The following KAT7 variants were observed in gnomAD, a reference collection of about 807,000 sequenced individuals.
KAT7 encodes the protein histone acetyltransferase KAT7.
A neutral mutation model predicts 82.1 loss-of-function variants in KAT7; 10 were observed. The ratio of observed to expected loss-of-function variants is 0.12; its 90% CI spans 0.08 to 0.21. The LOEUF is 0.21. Among genes scored for constraint, KAT7 ranks in the 10% least tolerant of loss-of-function variants. The pLI, the probability that KAT7 is intolerant of heterozygous loss-of-function variation, is 1.00. For synonymous variants in KAT7, 250 were observed against 262.5 expected (o/e 0.95, Z 0.46); for missense variants, 378 against 760.9 (o/e 0.50, Z 5.92).
At position 49,809,145 on chromosome 17, in the gene KAT7, G is replaced by C; in HGVS notation, c.690G>C (p.Gln230His). Residue 230 changes from glutamine to histidine, a missense_variant, in exon 6 of 15, where the codon CAG (glutamine) becomes CAC (histidine). Gln to His is a conservative substitution (Grantham distance 24). Around this residue, in one of 6 missense-constraint regions of KAT7, gnomAD observed 102 missense variants for 129.8 expected, o/e 0.79. Coordinates refer to ENST00000259021, the MANE Select transcript of KAT7 (RefSeq NM_007067.5). ...CKVRAQSRDK[Q>H]IEERMLSHRQ... ...TGAGAGCACAGAGCCGGGATAAGCAGATAGAAGAAAGGATGCTGTCTCACA... is the reference window on the plus strand; with the variant it reads ...TGAGAGCACAGAGCCGGGATAAGCACATAGAAGAAAGGATGCTGTCTCACA... 1 of 1,614,184 alleles carries C rather than the reference G, an allele frequency of 6.2e-7. No individual in the cohort carries two copies. The highest frequency in any genetic ancestry group is 8.5e-7 in the Non-Finnish European group (1 of 1,180,006).
chr17:49,819,258 A>G (rs1330446884), intron 9 of KAT7, among the ~76,000 whole-genome samples: 1 of 152,164 alleles, frequency 6.6e-6, no homozygotes, highest in African/African-American at 2.4e-5. Context: ...TTCAGGGCCC[A>G]GAACTGTTGC....
rs537462505 is a variant in KAT7, at chr17:49,830,592, C to G, written c.*3090C>G. ...CCTGAAACCTGCTCAATGGAAGTACCTACTCTATTGGTTGCTTCCCATATG... is the reference window on the plus strand; with the variant it reads ...CCTGAAACCTGCTCAATGGAAGTACGTACTCTATTGGTTGCTTCCCATATG... On this transcript the variant is annotated 3_prime_UTR_variant, in exon 15 of 15. Transcript: ENST00000259021. The G allele has an allele frequency of 6.6e-6, 1 of 152,334 alleles. No individual in the cohort carries two copies. Among genetic ancestry groups the G allele is most frequent in the African/African-American group, 2.4e-5 (1 of 41,566 alleles). The allele number at this position is 152,334 out of a possible 1,614,324, so 9.4% of individuals were successfully genotyped here.
At chr17:49,825,936 A>G in intron 12 of KAT7, 64 bp from the exon 13 acceptor site, 3 of 1,521,824 alleles carry the variant, frequency 2.0e-6, no homozygotes, top group Non-Finnish European at 2.7e-6. Flanking sequence ...GTTGGCACAC[A>G]GTTTTTTGCT....
At chr17:49,814,998 T>C (rs2074216276) in intron 7 of KAT7, 2 of 152,230 alleles carry the variant, frequency 1.3e-5, no homozygotes, top group Non-Finnish European at 2.9e-5. Context: ...TGGGAAGGGC[T>C]GAAATCAAAG....
chr17:49,801,248 G>A (rs2074020800), intron 4 of KAT7, among the ~76,000 whole-genome samples: 1 of 152,110 alleles, frequency 6.6e-6, no homozygotes, highest in South Asian at 2.1e-4. Context: ...GTACAGTGGC[G>A]TGGTCACTCA....
chr17:49,794,291 T>C (rs1037938044), intron 2 of KAT7, among the ~76,000 whole-genome samples: 7 of 152,102 alleles, frequency 4.6e-5, no homozygotes, highest in Non-Finnish European at 8.8e-5. Context: ...ATGAAGTCTT[T>C]TTTGTTGTTG....
rs2074402247 is a variant in KAT7 at position 49,829,167 on chromosome 17, C to G, written c.*1665C>G. On this transcript the variant is annotated 3_prime_UTR_variant, in exon 15 of 15. Transcript: ENST00000259021. The stretch of plus-strand genomic sequence containing the variant: ...CACGATCTGCTACTAATAGTAAATG[C>G]ACTTGGGATTTGCTTTCCCTAGCAG... 1 of 152,264 alleles carries G rather than the reference C, an allele frequency of 6.6e-6. No individual in the cohort carries two copies. Among genetic ancestry groups the G allele is most frequent in the South Asian group, 2.1e-4 (1 of 4,828 alleles). 9.4% of individuals were successfully genotyped at this position (152,264 alleles called of 1,614,324 possible). A position where few individuals can be genotyped will look rare whatever the true frequency, so the allele number is the denominator to read the frequency against.
At chr17:49,816,053 T>C in intron 8 of KAT7, 140 bp downstream of exon 8, 3 of 591,254 alleles carry the variant, frequency 5.1e-6, no homozygotes, top group Admixed American at 2.9e-5. Flanking sequence ...CAGCTGTCCC[T>C]TTTTGGAGAC....
At chr17:49,815,769 G>A in intron 7 of KAT7, 34 bp from the exon 8 acceptor site, 4 of 1,218,720 alleles carry the variant, frequency 3.3e-6, no homozygotes, top group South Asian at 2.4e-5. Context: ...GAAGCAGAGA[G>A]TATCAGAGTA....
In KAT7 at chr17:49,788,846, G is replaced by A. The variant is rs1463542225; in HGVS notation, c.12G>A (p.Arg4=). 4 of 1,589,944 alleles carry A rather than the reference G, an allele frequency of 2.5e-6. No homozygotes were observed. The highest frequency in any genetic ancestry group is 2.6e-6 in the Non-Finnish European group (3 of 1,166,648). Residue 4 remains arginine (R), a synonymous_variant, in exon 1 of 15, where the codon AGG becomes AGA. Transcript: ENST00000259021. ...CGCAGCCGCCGGCAATGCCGCGAAG[G>A]AAGGTGAGAAACGGGAGAGGAGGGA... MPR[R]KRNAGSSSDG...
intron 4 of KAT7, 146 bp from the exon 5 acceptor site, chr17:49,805,217 A>G: frequency 1.7e-6 from 1 of 600,724 alleles, no homozygotes; most frequent in Non-Finnish European, 3.0e-6. Context: ...TTATAGCCCT[A>G]CCAGCCTTAT....
intron 5 of KAT7, among the ~76,000 whole-genome samples, chr17:49,808,211 T>C: frequency 6.9e-6 from 1 of 145,004 alleles, no homozygotes; most frequent in East Asian, 2.1e-4. Context: ...AGTCTCAGCC[T>C]CCTAGATTCA....
chr17:49,807,676 A>C (rs2074108451), intron 5 of KAT7, among the ~76,000 whole-genome samples: 1 of 152,164 alleles, frequency 6.6e-6, no homozygotes. Flanking sequence ...TGCAGGGTAT[A>C]GGGTGCTTGG....
intron 5 of KAT7, among the ~76,000 whole-genome samples, chr17:49,808,633 A>G (rs1440160313): frequency 1.4e-5 from 2 of 141,028 alleles, no homozygotes; most frequent in Non-Finnish European, 3.1e-5. Context: ...TGTATTTTTA[A>G]TAGAGACGGG....
chr17:49,811,083 AT>A lies in KAT7; in HGVS notation c.754-386del, dbSNP rs575692865. 2.6e-5 allele frequency among the ~76,000 whole-genome samples: 4 copies of A among 151,226 alleles called. No homozygotes were observed. The South Asian group carries it at 6.3e-4, about 24-fold the overall frequency. Reference sequence around the variant, plus strand: ...TTTCTGGCATTTTTTTCTCTTTAAAATTTTTTTACATGTTTTGGTACCTTCT... The same window carrying A: ...TTTCTGGCATTTTTTTCTCTTTAAAATTTTTTACATGTTTTGGTACCTTCT... On this transcript the variant is annotated intron_variant, in intron 6 of 14. Coordinates refer to ENST00000259021, the MANE Select transcript of KAT7 (RefSeq NM_007067.5).
intron 4 of KAT7, among the ~76,000 whole-genome samples, chr17:49,798,771 G>T (rs753128271): frequency 7.1e-6 from 1 of 141,282 alleles, no homozygotes; most frequent in Non-Finnish European, 1.5e-5. Flanking sequence ...AATTAACTAT[G>T]ATGAGCCATT....
At chr17:49,814,757 T>C (rs892518283) in intron 7 of KAT7, among the ~76,000 whole-genome samples, 2 of 152,058 alleles carry the variant, frequency 1.3e-5, no homozygotes, top group African/African-American at 4.8e-5. Context: ...AAATAACTAA[T>C]GCGTAGAACC....
At chr17:49,802,977 G>A (rs947186557) in intron 4 of KAT7, among the ~76,000 whole-genome samples, 2 of 152,110 alleles carry the variant, frequency 1.3e-5, no homozygotes, top group Non-Finnish European at 2.9e-5. Context: ...TAGTCCTCCT[G>A]TGTTGGCCTC....
chr17:49,799,721 T>G (rs2073999150), intron 4 of KAT7, among the ~76,000 whole-genome samples: 1 of 152,152 alleles, frequency 6.6e-6, no homozygotes, highest in Non-Finnish European at 1.5e-5. Context: ...AGAGGTGCAG[T>G]GGCATGATCA....
Sources: allele counts gnomAD v4.1 joint callset (sites outside exome capture counted in the v4.1 genomes callset), GRCh38; gene constraint gnomAD v4.1.1; regional missense constraint gnomAD v4.1.1; transcripts MANE v1.5; gene names NCBI Gene and HGNC (gene_info 2026-07-23, HGNC 2026-07-21).